The following GTPBP3 variants were observed in gnomAD, a reference collection of about 807,000 sequenced individuals.
GTPBP3 encodes GTP binding protein 3, mitochondrial, also known as 5-taurinomethyluridine-[tRNA] synthase subunit GTPB3, mitochondrial.
Under a neutral mutation model 42.0 loss-of-function variants are expected in GTPBP3, and 35 were observed. The observed-to-expected ratio is 0.83, with a 90% confidence interval of 0.64 to 1.10. The LOEUF is 1.10. Ranked by LOEUF, GTPBP3 falls within the 50% of genes least tolerant of loss-of-function variation. The pLI is 0.00. For synonymous variants in GTPBP3, 332 were observed against 314.9 expected, an observed-to-expected ratio of 1.05 and a Z score of -0.58; for missense variants, 691 against 685.2, an observed-to-expected ratio of 1.01 and a Z score of -0.09.
rs769133364 is a variant in GTPBP3, at chr19:17,341,098, TC to T, written c.1032del (p.Ser345ProfsTer10). The T allele has an allele frequency of 6.2e-7, 1 of 1,613,792 alleles. No homozygotes were observed. The highest frequency in any genetic ancestry group is 1.3e-5 in the African/African-American group (1 of 74,910). Reference sequence around the variant, plus strand: ...TGCTGGATGCTTCTGACCTGGCCTCTCCCTCCAGTTGCAACTTCCTGGCCAC... The same window carrying T: ...TGCTGGATGCTTCTGACCTGGCCTCTCCTCCAGTTGCAACTTCCTGGCCAC... ...AMLDASDLAS[P>X]SSCNFLATVV... On this transcript the variant is annotated frameshift_variant, in exon 8 of 9. Coordinates refer to ENST00000324894, the MANE Select transcript of GTPBP3 (RefSeq NM_032620.4). LOFTEE classifies it high-confidence loss of function.
intron 2 of GTPBP3, 48 bp from the exon 3 acceptor site, chr19:17,338,317 G>A (rs755340692): frequency 8.4e-5 from 135 of 1,610,718 alleles, no homozygotes; most frequent in Non-Finnish European, 1.1e-4. Flanking sequence ...CCCTTCCAAG[G>A]GTTTGCACTG....
At chr19:17,337,894 C>G in intron 1 of GTPBP3, 114 bp from the exon 2 acceptor site, 1 of 1,392,986 alleles carries the variant, frequency 7.2e-7, no homozygotes, top group Non-Finnish European at 9.7e-7. Flanking sequence ...TTGTGCATCC[C>G]CCAGCCGCAG....
In GTPBP3 at chr19:17,339,088, A is replaced by G. The variant is rs751211186; in HGVS notation, c.665-35A>G. Reference sequence around the variant, plus strand: ...ATATCAGCCCTCAAAGGCTCCCCTCACTGTCTCTCTCTGCCTGCCTTCTCT... The same window carrying G: ...ATATCAGCCCTCAAAGGCTCCCCTCGCTGTCTCTCTCTGCCTGCCTTCTCT... On this transcript the variant is annotated intron_variant, in intron 5 of 8. Transcript: ENST00000324894. 1 of 1,613,910 alleles carries G rather than the reference A, an allele frequency of 6.2e-7. No homozygotes were observed. Among genetic ancestry groups the G allele is most frequent in the African/African-American group, 1.3e-5 (1 of 74,986 alleles).
intron 7 of GTPBP3, among the ~76,000 whole-genome samples, chr19:17,340,447 G>T (rs1162053192): frequency 1.4e-5 from 2 of 146,578 alleles, no homozygotes; most frequent in African/African-American, 2.6e-5. Flanking sequence ...GCTCTGTCCC[G>T]CCCTGGCACT....
In GTPBP3 at chr19:17,341,839, G is replaced by T; in HGVS notation, c.*136G>T. On this transcript the variant is annotated 3_prime_UTR_variant, in exon 9 of 9. Coordinates refer to ENST00000324894, the MANE Select transcript of GTPBP3 (RefSeq NM_032620.4). ...TCTCAAATAGTGAAGCAACACAGCT[G>T]AGAGGTAGTGAGATCCCTGCAGGGA... is the stretch of plus-strand genomic sequence containing the variant. The T allele has an allele frequency of 9.7e-6, 7 of 725,192 alleles. No individual in the cohort carries two copies. The highest frequency in any genetic ancestry group is 1.5e-5 in the Non-Finnish European group (7 of 453,274). The allele number at this position is 725,192 out of a possible 1,614,324, so 44.9% of individuals were successfully genotyped here. A position where few individuals can be genotyped will look rare whatever the true frequency, so the allele number is the denominator to read the frequency against.
At chr19:17,339,725 C>A in intron 7 of GTPBP3, 126 bp downstream of exon 7, 88 of 789,482 alleles carry the variant, frequency 1.1e-4, no homozygotes, top group Non-Finnish European at 1.5e-4. Flanking sequence ...GCATGGATCT[C>A]AGGGATTTGG....
rs1214836372 is a variant in GTPBP3 at position 17,338,693 on chromosome 19, C to G, written c.543C>G (p.Asp181Glu). Reference protein sequence around the residue: ...AQRRQALRQLDGELGHLCRGW... With the variant: ...AQRRQALRQLEGELGHLCRGW... ...GGCGGCAGGCCCTCAGGCAGCTGGA[C>G]GGAGAGCTGGGCCACCTCTGCCGTG... The change falls in exon 4 of 9, where the codon GAC (aspartate) becomes GAG (glutamate). Residue 181 changes from aspartate to glutamate, a missense_variant. Transcript: ENST00000324894. The G allele has an allele frequency of 2.5e-6, 4 of 1,613,350 alleles. No individual in the cohort carries two copies. The highest frequency in any genetic ancestry group is 3.4e-6 in the Non-Finnish European group (4 of 1,179,736).
In GTPBP3 at chr19:17,339,456, G is replaced by A. The variant is rs2074405772; in HGVS notation, c.831G>A (p.Val277=). The A allele has an allele frequency of 6.2e-7, 1 of 1,613,780 alleles. No individual in the cohort carries two copies. Among genetic ancestry groups the A allele is most frequent in the Non-Finnish European group, 8.5e-7 (1 of 1,179,984 alleles). ...NLLSRKPVSI[V]SPEPGTTRDV... is the part of the protein sequence containing the mutation. ...CAGGTCGGAAGCCTGTGTCCATCGT[G>A]TCCCCGGAGCCAGGGACCACCCGTG... The change falls in exon 7 of 9, where the codon GTG becomes GTA. Residue 277 remains valine (V), a synonymous_variant. Coordinates refer to ENST00000324894, the MANE Select transcript of GTPBP3 (RefSeq NM_032620.4).
At chr19:17,337,887 T>C in intron 1 of GTPBP3, 121 bp from the exon 2 acceptor site, 1 of 1,360,286 alleles carries the variant, frequency 7.4e-7, no homozygotes, top group Non-Finnish European at 9.9e-7. Context: ...ATCCAATTTG[T>C]GCATCCCCCA....
At position 17,342,448 on chromosome 19, in the gene GTPBP3, A is replaced by T. The variant is rs1209717635; in HGVS notation, c.*745A>T. On this transcript the variant is annotated 3_prime_UTR_variant, in exon 9 of 9. Transcript: ENST00000324894. Reference sequence around the variant, plus strand: ...ACGCCAGGCTAATTTTTGTATTTTTAGTAGAGACAAGGTTTCACCATGTTG... The same window carrying T: ...ACGCCAGGCTAATTTTTGTATTTTTTGTAGAGACAAGGTTTCACCATGTTG... The T allele has an allele frequency of 6.6e-6, 1 of 152,150 alleles. No homozygotes were observed. Among genetic ancestry groups the T allele is most frequent in the African/African-American group, 2.4e-5 (1 of 41,408 alleles). The allele number at this position is 152,150 out of a possible 1,614,324, so 9.4% of individuals were successfully genotyped here.
Position 17,339,113 on chromosome 19 carries a change from T to C in GTPBP3, c.665-10T>C, listed in dbSNP as rs1239468406. The C allele has an allele frequency of 6.2e-7, 1 of 1,614,052 alleles. No homozygotes were observed. Among genetic ancestry groups the C allele is most frequent in the Non-Finnish European group, 8.5e-7 (1 of 1,180,014 alleles). On this transcript the variant is annotated splice_polypyrimidine_tract_variant and intron_variant, in intron 5 of 8. Coordinates refer to ENST00000324894, the MANE Select transcript of GTPBP3 (RefSeq NM_032620.4). ...ACTGTCTCTCTCTGCCTGCCTTCTC[T>C]CACCCACAGCCGACATCGAAGTACG... is the stretch of plus-strand genomic sequence containing the variant.
At chr19:17,338,316 G>A (rs754215145) in intron 2 of GTPBP3, 49 bp from the exon 3 acceptor site, 7 of 1,609,296 alleles carry the variant, frequency 4.3e-6, no homozygotes, top group Non-Finnish European at 5.9e-6. Flanking sequence ...CCCCTTCCAA[G>A]GGTTTGCACT....
In GTPBP3 at chr19:17,338,979, T is replaced by C. The variant is rs759490834; in HGVS notation, c.617T>C (p.Ile206Thr). The C allele has an allele frequency of 3.1e-6, 5 of 1,611,406 alleles. No homozygotes were observed. The South Asian group carries it at 5.5e-5, about 18-fold the overall frequency. The change falls in exon 5 of 9, where the codon ATC becomes ACC. Residue 206 changes from isoleucine to threonine, a missense_variant. Transcript: ENST00000324894. ...GCTCTGGCCCACGTGGAGGCCTATA[T>C]CGATTTCGGCGAGGATGACAACCTG... ...TKALAHVEAY[I>T]DFGEDDNLEE...
Position 17,341,026 on chromosome 19 carries a change from T to C in GTPBP3, c.975-18T>C, listed in dbSNP as rs747452180. On this transcript the variant is annotated intron_variant, in intron 7 of 8. Coordinates refer to ENST00000324894, the MANE Select transcript of GTPBP3 (RefSeq NM_032620.4). ...TGCTCAACCTGGGATCCCCGCTCAG[T>C]TGACCTTGCTCCCGCAGGCTAGAGC... The C allele has an allele frequency of 6.8e-6, 11 of 1,607,322 alleles. No individual in the cohort carries two copies. In the Admixed American group the frequency reaches 1.3e-4, roughly 20 times the overall value.
rs752517692 is a variant in GTPBP3 at position 17,339,489 on chromosome 19, G to A, written c.864G>A (p.Leu288=). 9 of 1,613,856 alleles carry A rather than the reference G, an allele frequency of 5.6e-6. No individual in the cohort carries two copies. The highest frequency in any genetic ancestry group is 4.0e-5 in the African/African-American group (3 of 74,934). The change falls in exon 7 of 9, where the codon CTG becomes CTA. Residue 288 remains leucine, a synonymous_variant. Coordinates refer to ENST00000324894, the MANE Select transcript of GTPBP3 (RefSeq NM_032620.4). ...AGCCAGGGACCACCCGTGACGTGCT[G>A]GAGACCCCAGTCGACCTGGCCGGAT... ...SPEPGTTRDV[L]ETPVDLAGFP...
At chr19:17,337,223 G>T, upstream of GTPBP3, 1 of 189,370 alleles carries the variant, frequency 5.3e-6, no homozygotes, top group East Asian at 1.3e-4. Context: ...GCCTAAGGCT[G>T]CGGAGTGAGC....
chr19:17,341,221 A>T lies in GTPBP3; in HGVS notation c.1152A>T (p.Pro384=). Residue 384 remains proline, a synonymous_variant, in exon 8 of 9, where the codon CCA becomes CCT. Coordinates refer to ENST00000324894, the MANE Select transcript of GTPBP3 (RefSeq NM_032620.4). The stretch of plus-strand genomic sequence containing the variant: ...CGGACCTGCTGTCCCCGGAGGGCCC[A>T]GGTCCCGGTCCTGACCTGCCCCCGC... The part of the protein sequence containing the change: ...NKSDLLSPEG[P]GPGPDLPPHL... 1 of 1,608,638 alleles carries T rather than the reference A, an allele frequency of 6.2e-7. No individual in the cohort carries two copies. Among genetic ancestry groups the T allele is most frequent in the Non-Finnish European group, 8.5e-7 (1 of 1,179,878 alleles).
At chr19:17,336,622 C>T (rs1404913826), upstream of GTPBP3, 1 of 152,256 alleles carries the variant, frequency 6.6e-6, no homozygotes, top group African/African-American at 2.4e-5. Flanking sequence ...GCGCCGCCCG[C>T]CCGCTCTGAT....
chr19:17,338,841 G>T, intron 4 of GTPBP3, 100 bp downstream of exon 4: 1 of 1,532,134 alleles, frequency 6.5e-7, no homozygotes, highest in Non-Finnish European at 8.8e-7. Context: ...CTGCGTGAAA[G>T]CTTCCGGCCT....
Sources: allele counts gnomAD v4.1 joint callset (sites outside exome capture counted in the v4.1 genomes callset), GRCh38; gene constraint gnomAD v4.1.1; transcripts MANE v1.5; gene names NCBI Gene and HGNC (gene_info 2026-07-23, HGNC 2026-07-21).